Variants in TYW1B observed in about 807,000 individuals in gnomAD.
The protein encoded by TYW1B is S-adenosyl-L-methionine-dependent tRNA 4-demethylwyosine synthase TYW1B.
TYW1B carries 73 observed loss-of-function variants against 86.9 expected under a neutral mutation model. That is an observed-to-expected ratio of 0.84 (90% CI 0.70 to 1.02). TYW1B has a LOEUF of 1.02. Ranked by LOEUF, TYW1B falls within the 50% of genes least tolerant of loss-of-function variation. The pLI, the probability that TYW1B is intolerant of heterozygous loss-of-function variation, is 0.00. For synonymous variants in TYW1B, 248 were observed against 292.8 expected (o/e 0.85, Z 1.56); for missense variants, 637 against 827.4 (o/e 0.77, Z 2.82).
chr7:72,588,144 T>C (rs1427103301), intron 13 of TYW1B, among the ~76,000 whole-genome samples: 2 of 152,214 alleles, frequency 1.3e-5, no homozygotes, highest in African/African-American at 4.8e-5. Context: ...TAAGTAGGAT[T>C]CACATGGTAA....
intron 3 of TYW1B, among the ~76,000 whole-genome samples, chr7:72,811,772 C>A (rs1465004049): frequency 6.6e-6 from 1 of 151,366 alleles, no homozygotes; most frequent in Non-Finnish European, 1.5e-5. Flanking sequence ...ACTAGGCAGG[C>A]GTGGTAGTGG....
intron 10 of TYW1B, among the ~76,000 whole-genome samples, chr7:72,703,055 C>T (rs1814527115): frequency 7.5e-6 from 1 of 132,766 alleles, no homozygotes; most frequent in Non-Finnish European, 1.6e-5. Flanking sequence ...GATGGAGTCT[C>T]GCTCTTTCTC....
chr7:72,783,582 C>CT (rs1265090064), intron 6 of TYW1B, among the ~76,000 whole-genome samples: 3 of 152,114 alleles, frequency 2.0e-5, no homozygotes, highest in African/African-American at 2.4e-5. Flanking sequence ...AAATGAATCT[C>CT]TAAGATATCA....
chr7:72,607,769 G>C (rs1236296325), intron 13 of TYW1B, among the ~76,000 whole-genome samples: 2 of 151,994 alleles, frequency 1.3e-5, no homozygotes, highest in African/African-American at 4.8e-5. Flanking sequence ...AGAGAAATAA[G>C]ATGAGGCTGA....
At chr7:72,623,627 A>G (rs554990410) in intron 12 of TYW1B, among the ~76,000 whole-genome samples, 38 of 152,214 alleles carry the variant, frequency 2.5e-4, no homozygotes, top group African/African-American at 8.7e-4. Flanking sequence ...TTCCAGCTCC[A>G]AGAGTGTCTC....
At chr7:72,708,150 T>C (rs1814657102) in intron 10 of TYW1B, among the ~76,000 whole-genome samples, 1 of 152,146 alleles carries the variant, frequency 6.6e-6, no homozygotes, top group Non-Finnish European at 1.5e-5. Flanking sequence ...CACAGTTACA[T>C]GCTTTGGAGC....
In TYW1B at chr7:72,800,845, G is replaced by C. The variant is rs1375645535; in HGVS notation, c.846+1555C>G. Among the ~76,000 whole-genome samples, 8 of 152,034 alleles carry C rather than the reference G, an allele frequency of 5.3e-5. 1 individual carries two copies. The highest frequency in any genetic ancestry group is 1.9e-4 in the African/African-American group (8 of 41,478). On this transcript the variant is annotated intron_variant, in intron 6 of 13. Coordinates refer to ENST00000620995, the MANE Select transcript of TYW1B (RefSeq NM_001145440.3). ...GACTAGATCAATCTAGATCTAGGAG[G>C]CTAGAGGACCTACTAGAATTTTTAT...
rs1554428294 is a variant in TYW1B at position 72,575,566 on chromosome 7, T to C, written c.1939A>G (p.Arg647Gly). The C allele has an allele frequency of 6.2e-7, 1 of 1,613,978 alleles. No individual in the cohort carries two copies. Among genetic ancestry groups the C allele is most frequent in the South Asian group, 1.1e-5 (1 of 91,072 alleles). The change falls in exon 14 of 14, where the codon AGA (arginine) becomes GGA (glycine). Residue 647 changes from arginine (R) to glycine (G), a missense_variant. Transcript: ENST00000620995. ...CTTGTGTCCTTGGGATCAAAGCTTC[T>C]TTCATTGGCACCAAATAATGCCCAG... ...PHWALFGANE[R>G]SFDPKDTRHQ... is the part of the protein sequence containing the mutation.
chr7:72,730,531 CA>C (rs531215725), intron 8 of TYW1B, among the ~76,000 whole-genome samples: 42 of 78,716 alleles, frequency 5.3e-4, no homozygotes, highest in Admixed American at 7.5e-4. Context: ...CCAGTCAGAC[CA>C]AAAAAAAAAG....
At chr7:72,724,317 T>G (rs1554458242) in intron 9 of TYW1B, among the ~76,000 whole-genome samples, 1 of 151,902 alleles carries the variant, frequency 6.6e-6, no homozygotes, top group Non-Finnish European at 1.5e-5. Flanking sequence ...ATTAAAAATT[T>G]TTAAATTAGC....
At chr7:72,723,303 G>A (rs1786939242) in intron 9 of TYW1B, among the ~76,000 whole-genome samples, 1 of 152,204 alleles carries the variant, frequency 6.6e-6, no homozygotes, top group South Asian at 2.1e-4. Context: ...AGCTAAGAGT[G>A]GACCTCCAAA....
chr7:72,741,545 G>T (rs1237691395), intron 8 of TYW1B, among the ~76,000 whole-genome samples: 2 of 152,130 alleles, frequency 1.3e-5, no homozygotes, highest in Non-Finnish European at 2.9e-5. Context: ...TCCAGAAGGA[G>T]ATAAGAAGGA....
At chr7:72,763,277 CTTTTCTTTTTT>C (rs1323088559) in intron 7 of TYW1B, among the ~76,000 whole-genome samples, 26 of 111,622 alleles carry the variant, frequency 2.3e-4, no homozygotes, top group South Asian at 1.2e-3. Flanking sequence ...TTTTTCTTTT[CTTTTCTTTTTT>C]TTTTTTTTTT....
intron 11 of TYW1B, among the ~76,000 whole-genome samples, chr7:72,674,261 A>G (rs1813682766): frequency 6.6e-6 from 1 of 152,096 alleles, no homozygotes; most frequent in Non-Finnish European, 1.5e-5. Context: ...TCTTAGTCCA[A>G]AAGTCTTTTT....
At chr7:72,604,144 GT>G (rs1203921825) in intron 13 of TYW1B, among the ~76,000 whole-genome samples, 1 of 152,060 alleles carries the variant, frequency 6.6e-6, no homozygotes, top group African/African-American at 2.4e-5. Flanking sequence ...AAAAACTTCT[GT>G]AAAACATAAA....
intron 2 of TYW1B, 140 bp from the exon 3 acceptor site, chr7:72,815,621 A>T: frequency 2.9e-6 from 2 of 685,988 alleles, no homozygotes; most frequent in Non-Finnish European, 5.0e-6. Context: ...TTCTATCCGC[A>T]CTCTTACCAT....
chr7:72,684,217 AGTTT>A lies in TYW1B; in HGVS notation c.1506+10466_1506+10469del, dbSNP rs1447406965. On this transcript the variant is annotated intron_variant, in intron 11 of 13. Transcript: ENST00000620995. ...ATGTTAATGTCAGGCCCCAAACCACAGTTTGTCAGGAGGCTCCCACAACACCAAG... is the reference window on the plus strand; with the variant it reads ...ATGTTAATGTCAGGCCCCAAACCACAGTCAGGAGGCTCCCACAACACCAAG... Among the ~76,000 whole-genome samples, 916 of 152,284 alleles carry A rather than the reference AGTTT, an allele frequency of 6.0e-3. 12 individuals are homozygous for A. Among genetic ancestry groups the A allele is most frequent in the African/African-American group, 0.021 (869 of 41,564 alleles).
intron 11 of TYW1B, among the ~76,000 whole-genome samples, chr7:72,634,319 C>G (rs1281836764): frequency 3.3e-5 from 5 of 149,860 alleles, no homozygotes; most frequent in Non-Finnish European, 7.4e-5. Flanking sequence ...GCTGGGACTA[C>G]AGGCACATGC....
intron 12 of TYW1B, among the ~76,000 whole-genome samples, chr7:72,619,920 GA>G (rs2129568494): frequency 6.6e-6 from 1 of 152,146 alleles, no homozygotes; most frequent in African/African-American, 2.4e-5. Flanking sequence ...AACAGCTTTT[GA>G]AAATATTTTA....
Sources: allele counts gnomAD v4.1 joint callset (sites outside exome capture counted in the v4.1 genomes callset), GRCh38; gene constraint gnomAD v4.1.1; transcripts MANE v1.5; gene names NCBI Gene and HGNC (gene_info 2026-07-23, HGNC 2026-07-21).